PCDHGB4: variants seen among roughly 807,000 people sequenced by gnomAD.
PCDHGB4 encodes the protein protocadherin gamma subfamily B, 4.
In PCDHGB4, 38 loss-of-function variants were observed where a neutral mutation model predicts 60.5. The ratio of observed to expected loss-of-function variants is 0.63; its 90% confidence interval spans 0.48 to 0.82. The LOEUF (loss-of-function observed/expected upper bound fraction) is 0.82, where lower values mean the gene tolerates loss of function less well. Ranked by LOEUF, PCDHGB4 falls within the 40% of genes least tolerant of loss-of-function variation. PCDHGB4 has a pLI of 0.00. For synonymous variants in PCDHGB4, 456 were observed against 509.7 expected (o/e 0.89, Z 1.42); for missense variants, 1,109 against 1,209.6 (o/e 0.92, Z 1.23).
rs764742899 is a variant in PCDHGB4, at chr5:141,487,062, C to T, written c.2398-7745C>T. On this transcript the variant is annotated intron_variant, in intron 1 of 3. Transcript: ENST00000519479. This position sits in a 1 kb window ranked among gnomAD's most constrained non-coding sequence, Gnocchi z 5.0. Reference sequence around the variant, plus strand: ...TCTCGATATGCTGGGGAGGTGCGGACGGCTGTTCCTATCCCAGCTGACCTC... The same window carrying T: ...TCTCGATATGCTGGGGAGGTGCGGATGGCTGTTCCTATCCCAGCTGACCTC... 2.8e-5 allele frequency: 45 copies of T among 1,613,980 alleles called. No homozygotes were observed. Among genetic ancestry groups the T allele is most frequent in the East Asian group, 1.3e-4 (6 of 44,874 alleles).
chr5:141,415,627 A>T, intron 1 of PCDHGB4: 1 of 1,598,406 alleles, frequency 6.3e-7, no homozygotes, highest in Non-Finnish European at 8.5e-7. Context: ...TTTTATTTTC[A>T]TTTTTACTTT....
intron 1 of PCDHGB4, chr5:141,403,965 A>G: frequency 6.2e-7 from 1 of 1,613,864 alleles, no homozygotes; most frequent in Non-Finnish European, 8.5e-7. Flanking sequence ...ATTTCGGTGG[A>G]AGATGTAAAT....
At chr5:141,429,875 A>G (rs959789833) in intron 1 of PCDHGB4, among the ~76,000 whole-genome samples, 3 of 152,322 alleles carry the variant, frequency 2.0e-5, no homozygotes, top group Middle Eastern at 6.8e-3. Context: ...ATTTTCTTTT[A>G]CTAAGTTTCC....
At position 141,432,009 on chromosome 5, in the gene PCDHGB4, G is replaced by T. The variant is rs1227754190; in HGVS notation, c.2397+41728G>T. ...GTCTTGGATAGGGAACAGGTTCCTAGCTACAACATCACAGTGACCGCCACT... is the reference window on the plus strand; with the variant it reads ...GTCTTGGATAGGGAACAGGTTCCTATCTACAACATCACAGTGACCGCCACT... On this transcript the variant is annotated intron_variant, in intron 1 of 3. Transcript: ENST00000519479. The surrounding 1 kb of genome is among the most constrained non-coding windows in gnomAD (Gnocchi z 6.0). 1 of 1,614,070 alleles carries T rather than the reference G, an allele frequency of 6.2e-7. No homozygotes were observed. The highest frequency in any genetic ancestry group is 8.5e-7 in the Non-Finnish European group (1 of 1,180,032).
intron 1 of PCDHGB4, among the ~76,000 whole-genome samples, chr5:141,454,985 A>G (rs1292477757): frequency 1.3e-5 from 2 of 150,314 alleles, no homozygotes; most frequent in African/African-American, 4.9e-5. Context: ...TTTTTTAAAA[A>G]ATATTTTTAG....
At chr5:141,484,878 G>C (rs2099602522) in intron 1 of PCDHGB4, 1 of 341,888 alleles carries the variant, frequency 2.9e-6, no homozygotes, top group Non-Finnish European at 5.3e-6. Flanking sequence ...TGGAGGATAG[G>C]GTGGGCTTTT....
chr5:141,462,122 C>T (rs1437400069), intron 1 of PCDHGB4, among the ~76,000 whole-genome samples: 1 of 152,044 alleles, frequency 6.6e-6, no homozygotes, highest in South Asian at 2.1e-4. Context: ...TGCACCCAGT[C>T]CAATTTTTTG....
chr5:141,440,671 T>C (rs2098194169), intron 1 of PCDHGB4: 1 of 152,210 alleles, frequency 6.6e-6, no homozygotes, highest in African/African-American at 2.4e-5. Context: ...CAACTCTATA[T>C]TTCTCTTTGA....
At chr5:141,418,189 G>A in intron 1 of PCDHGB4, 1 of 1,614,046 alleles carries the variant, frequency 6.2e-7, no homozygotes, top group Admixed American at 1.7e-5. Flanking sequence ...AAGCTGTGGT[G>A]GAAAATCCTT....
rs1391608601 is a variant in PCDHGB4 at position 141,511,893 on chromosome 5, A to G, written c.*720A>G. The G allele has an allele frequency of 6.4e-6, 1 of 155,062 alleles. No homozygotes were observed. Among genetic ancestry groups the G allele is most frequent in the East Asian group, 1.9e-4 (1 of 5,240 alleles). 9.6% of individuals were successfully genotyped at this position (155,062 alleles called of 1,614,324 possible). A position where few individuals can be genotyped will look rare whatever the true frequency, so the allele number is the denominator to read the frequency against. On this transcript the variant is annotated 3_prime_UTR_variant, in exon 4 of 4. Transcript: ENST00000519479. ...TCCACTGCATGCCTTGACTTCCCCC[A>G]CCTCCTCCTCAAACAAGAGACTCCA...
rs1419377760 is a variant in PCDHGB4 at position 141,418,687 on chromosome 5, GATCACTT to G, written c.2397+28409_2397+28415del. ...ACCAGGACGAGGGCATCAACTCAGA[GATCACTT>G]ATTCCTTCTTTGGTGTGGCTGACAA... On this transcript the variant is annotated intron_variant, in intron 1 of 3. Transcript: ENST00000519479. 6 of 1,613,928 alleles carry G rather than the reference GATCACTT, an allele frequency of 3.7e-6. No individual in the cohort carries two copies. In the African/African-American group the frequency reaches 8.0e-5, roughly 22 times the overall value.
chr5:141,429,387 T>TTAA (rs775632416), intron 1 of PCDHGB4, among the ~76,000 whole-genome samples: 1 of 151,334 alleles, frequency 6.6e-6, no homozygotes, highest in Non-Finnish European at 1.5e-5. Flanking sequence ...GTTTTTTTTT[T>TTAA]AAAAAAAATT....
In PCDHGB4 at chr5:141,511,519, C is replaced by G; in HGVS notation, c.*346C>G. 2.7e-6 allele frequency: 1 copy of G among 367,516 alleles called. No homozygotes were observed. Among genetic ancestry groups the G allele is most frequent in the African/African-American group, 2.1e-5 (1 of 48,286 alleles). 22.8% of individuals were successfully genotyped at this position (367,516 alleles called of 1,614,324 possible). A position where few individuals can be genotyped will look rare whatever the true frequency, so the allele number is the denominator to read the frequency against. ...CCAAATCAATCAGGCCCATCCATCC[C>G]ATGCCTCCCTCCTCCCCACCCCACT... On this transcript the variant is annotated 3_prime_UTR_variant, in exon 4 of 4. Coordinates refer to ENST00000519479, the MANE Select transcript of PCDHGB4 (RefSeq NM_003736.4).
At chr5:141,469,700 T>TA (rs1483261429) in intron 1 of PCDHGB4, among the ~76,000 whole-genome samples, 1 of 152,272 alleles carries the variant, frequency 6.6e-6, no homozygotes, top group African/African-American at 2.4e-5. Context: ...TATGACCTAG[T>TA]AATCACACTA....
chr5:141,398,861 A>G, intron 1 of PCDHGB4: 1 of 1,613,990 alleles, frequency 6.2e-7, no homozygotes, highest in South Asian at 1.1e-5. Flanking sequence ...TTCAACCGAG[A>G]CGTGTACAGA....
chr5:141,489,428 G>C lies in PCDHGB4; in HGVS notation c.2398-5379G>C, dbSNP rs561792279. The C allele has an allele frequency of 1.2e-6, 2 of 1,613,994 alleles. No individual in the cohort carries two copies. Among genetic ancestry groups the C allele is most frequent in the Non-Finnish European group, 1.7e-6 (2 of 1,180,038 alleles). On this transcript the variant is annotated intron_variant, in intron 1 of 3. Coordinates refer to ENST00000519479, the MANE Select transcript of PCDHGB4 (RefSeq NM_003736.4). This position sits in a 1 kb window ranked among gnomAD's most constrained non-coding sequence, Gnocchi z 4.5. The stretch of plus-strand genomic sequence containing the variant: ...AAGATGACAGATCTGTTGAGCCGGC[G>C]GCTGCAATTGGGCTCTGAGGAGAAT...
chr5:141,408,082 G>A, intron 1 of PCDHGB4: 1 of 1,417,366 alleles, frequency 7.1e-7, no homozygotes, highest in Non-Finnish European at 9.3e-7. Context: ...TCCCAGCACA[G>A]CGGATTGCCA....
At chr5:141,428,018 C>A in intron 1 of PCDHGB4, 12 of 1,604,570 alleles carry the variant, frequency 7.5e-6, no homozygotes, top group Middle Eastern at 1.7e-4. Context: ...TAGTGCCACG[C>A]GCCGCAGAGT....
At chr5:141,419,432 C>A (rs2096381830) in intron 1 of PCDHGB4, 1 of 1,613,160 alleles carries the variant, frequency 6.2e-7, no homozygotes, top group Non-Finnish European at 8.5e-7. Flanking sequence ...CCACGAGCAG[C>A]TGCGCACCTT....
Sources: allele counts gnomAD v4.1 joint callset (sites outside exome capture counted in the v4.1 genomes callset), GRCh38; gene constraint gnomAD v4.1.1; non-coding constraint Gnocchi (gnomAD v3.1); transcripts MANE v1.5; gene names NCBI Gene and HGNC (gene_info 2026-07-23, HGNC 2026-07-21).